Variants in MGA observed in about 807,000 individuals in gnomAD.
MGA encodes the protein MAX dimerization protein MGA, also known as MAX gene-associated protein.
Under a neutral mutation model 261.1 loss-of-function variants are expected in MGA, and 40 were observed. The ratio of observed to expected loss-of-function variants is 0.15; its 90% CI spans 0.12 to 0.20. MGA has a LOEUF of 0.20. Among genes scored for constraint, MGA ranks in the 10% least tolerant of loss-of-function variants. The probability of loss-of-function intolerance (pLI) is 1.00; values close to 1 mark genes in which losing one functional copy is unlikely to be tolerated. For missense variants in MGA, 3,397 were observed against 3,630.5 expected, an observed-to-expected ratio of 0.94 and a Z score of 1.65; for synonymous variants, 1,302 against 1,290.6, an observed-to-expected ratio of 1.01 and a Z score of -0.19.
At chr15:41,748,420 G>C (rs569059655) in intron 15 of MGA, among the ~76,000 whole-genome samples, 2 of 152,276 alleles carry the variant, frequency 1.3e-5, no homozygotes, top group Non-Finnish European at 2.9e-5. Context: ...CAGGTGTGCT[G>C]GTGCACACCT....
intron 9 of MGA, among the ~76,000 whole-genome samples, chr15:41,723,316 T>G (rs2061048515): frequency 6.6e-6 from 1 of 152,168 alleles, no homozygotes; most frequent in South Asian, 2.1e-4. Flanking sequence ...GGGATCAGTA[T>G]TTTGTTCTTG....
intron 1 of MGA, among the ~76,000 whole-genome samples, chr15:41,631,582 G>A (rs2056588727): frequency 6.6e-6 from 1 of 152,100 alleles, no homozygotes; most frequent in Non-Finnish European, 1.5e-5. Context: ...TTACAAGTGT[G>A]ACAGAGGCAC....
chr15:41,696,254 CA>C lies in MGA; in HGVS notation c.1247del (p.Asn416ThrfsTer8). On this transcript the variant is annotated frameshift_variant, in exon 3 of 24. Coordinates refer to ENST00000219905, the MANE Select transcript of MGA (RefSeq NM_001164273.2). LOFTEE classifies it high-confidence loss of function. ...ACAGATGAAGAGACGGATGTATACT[CA>C]AACAGTGATGATGATCCTATACTAG... 1 of 1,613,896 alleles carries C rather than the reference CA, an allele frequency of 6.2e-7. No homozygotes were observed. Among genetic ancestry groups the C allele is most frequent in the Non-Finnish European group, 8.5e-7 (1 of 1,179,890 alleles).
intron 1 of MGA, among the ~76,000 whole-genome samples, chr15:41,664,914 A>G (rs1189991442): frequency 9.9e-6 from 1 of 101,098 alleles, no homozygotes; most frequent in Non-Finnish European, 2.2e-5. Flanking sequence ...GAAAAGAATC[A>G]CTGTACATTT....
intron 21 of MGA, 34 bp from the exon 22 acceptor site, chr15:41,762,095 G>A (rs779023751): frequency 6.6e-7 from 1 of 1,514,114 alleles, no homozygotes; most frequent in South Asian, 1.2e-5. Context: ...GTGGCGTAAT[G>A]CTGAAAGTGC....
At chr15:41,627,640 T>C (rs2056487459) in intron 1 of MGA, among the ~76,000 whole-genome samples, 1 of 152,228 alleles carries the variant, frequency 6.6e-6, no homozygotes, top group African/African-American at 2.4e-5. Context: ...ATTCTACACA[T>C]GTCTACCAGT....
Position 41,748,744 on chromosome 15 carries a change from C to T in MGA, c.5320C>T (p.Leu1774Phe). ...TCCAGTGCAGCAGGGTTCTCCTACTCTTAGACCTGTCTCAAACACACAACT... is the reference window on the plus strand; with the variant it reads ...TCCAGTGCAGCAGGGTTCTCCTACTTTTAGACCTGTCTCAAACACACAACT... The change falls in exon 16 of 24, where the codon CTT (leucine) becomes TTT (phenylalanine). Residue 1774 changes from leucine (L) to phenylalanine (F), a missense_variant. Transcript: ENST00000219905. The T allele has an allele frequency of 6.2e-7, 1 of 1,613,962 alleles. No homozygotes were observed. Among genetic ancestry groups the T allele is most frequent in the Non-Finnish European group, 8.5e-7 (1 of 1,179,880 alleles).
At chr15:41,646,624 T>C (rs187706381) in intron 1 of MGA, among the ~76,000 whole-genome samples, 2 of 151,764 alleles carry the variant, frequency 1.3e-5, no homozygotes, top group Admixed American at 1.3e-4. Context: ...GAGGGAGAAT[T>C]GCTTGAACCT....
At chr15:41,734,361 A>G (rs1432981430) in intron 11 of MGA, among the ~76,000 whole-genome samples, 161 bp from the exon 12 acceptor site, 1 of 152,250 alleles carries the variant, frequency 6.6e-6, no homozygotes, top group African/African-American at 2.4e-5. Context: ...CCAGGGTTTT[A>G]TATGATAGTA....
At chr15:41,633,624 T>C (rs1595545581) in intron 1 of MGA, among the ~76,000 whole-genome samples, 1 of 152,120 alleles carries the variant, frequency 6.6e-6, no homozygotes, top group East Asian at 1.9e-4. Context: ...GTTTTTGCCA[T>C]GTTGCCCAGG....
chr15:41,751,083 C>T (rs1273663317), intron 17 of MGA: 2 of 153,114 alleles, frequency 1.3e-5, no homozygotes, highest in Non-Finnish European at 2.9e-5. Flanking sequence ...AAAATACCAT[C>T]ATATTCTAGT....
intron 10 of MGA, among the ~76,000 whole-genome samples, chr15:41,728,438 A>G (rs903866210): frequency 1.3e-5 from 2 of 152,216 alleles, no homozygotes; most frequent in African/African-American, 4.8e-5. Context: ...TGAACTCTTA[A>G]TAGTGTACTG....
chr15:41,736,115 A>T (rs906776859), intron 12 of MGA, 66 bp from the exon 13 acceptor site: 2 of 1,316,292 alleles, frequency 1.5e-6, no homozygotes, highest in Admixed American at 6.0e-5. Context: ...TCAGAGTTTC[A>T]TACAAAATGC....
At chr15:41,723,067 A>T (rs1242518702) in intron 9 of MGA, among the ~76,000 whole-genome samples, 1 of 152,186 alleles carries the variant, frequency 6.6e-6, no homozygotes, top group Admixed American at 6.5e-5. Flanking sequence ...AGAAATGAGG[A>T]GACCATTTCT....
At chr15:41,706,673 C>G (rs1307784531) in intron 5 of MGA, among the ~76,000 whole-genome samples, 1 of 151,404 alleles carries the variant, frequency 6.6e-6, no homozygotes, top group Non-Finnish European at 1.5e-5. Context: ...CTCTGTCTCC[C>G]AGGTTCAAGT....
intron 2 of MGA, among the ~76,000 whole-genome samples, chr15:41,675,143 T>A (rs1182408782): frequency 1.3e-5 from 2 of 152,238 alleles, no homozygotes; most frequent in Non-Finnish European, 2.9e-5. Context: ...CACTAGTTTC[T>A]TTTTGTTACA....
In MGA at chr15:41,696,478, A is replaced by G. The variant is rs1225188397; in HGVS notation, c.1468A>G (p.Met490Val). Residue 490 changes from methionine (M) to valine (V), a missense_variant, in exon 3 of 24, where the codon ATG (methionine) becomes GTG (valine). Met to Val is a conservative substitution (Grantham distance 21). Around this residue, in one of 9 missense-constraint regions of MGA, gnomAD observed 563 missense variants for 563.6 expected, o/e 1.00. Transcript: ENST00000219905. Reference sequence around the variant, plus strand: ...TAAGATTTCTGAACTCCCCGATAACATGCTTTCCACATCTCGAAAGGATAA... The same window carrying G: ...TAAGATTTCTGAACTCCCCGATAACGTGCTTTCCACATCTCGAAAGGATAA... 1.9e-6 allele frequency: 3 copies of G among 1,613,912 alleles called. No individual in the cohort carries two copies. The highest frequency in any genetic ancestry group is 1.7e-6 in the Non-Finnish European group (2 of 1,179,904).
intron 22 of MGA, among the ~76,000 whole-genome samples, chr15:41,764,486 C>T (rs983721100): frequency 6.6e-6 from 1 of 152,088 alleles, no homozygotes; most frequent in Non-Finnish European, 1.5e-5. Flanking sequence ...ATCTCCTGAC[C>T]TCGTGATCCA....
At position 41,696,523 on chromosome 15, in the gene MGA, T is replaced by C. The variant is rs375986665; in HGVS notation, c.1513T>C (p.Leu505=). 524 of 1,613,880 alleles carry C rather than the reference T, an allele frequency of 3.2e-4. 1 individual carries two copies. The highest frequency in any genetic ancestry group is 4.1e-4 in the Non-Finnish European group (485 of 1,179,898). The change falls in exon 3 of 24, where the codon TTG becomes CTG. Residue 505 remains leucine (L), a synonymous_variant. Coordinates refer to ENST00000219905, the MANE Select transcript of MGA (RefSeq NM_001164273.2). The stretch of plus-strand genomic sequence containing the variant: ...GGATAAATCTTCTATGTTGGCAGAA[T>C]TGGAATATTTGCCTACATACATTGA...
Sources: gnomAD v4.1 joint callset for allele counts (sites outside exome capture counted in the v4.1 genomes callset) on GRCh38, gnomAD v4.1.1 for gene constraint, gnomAD v4.1.1 regional missense constraint, MANE v1.5 for transcripts, NCBI Gene and HGNC (gene_info 2026-07-23, HGNC 2026-07-21) for gene names.